The following ADAMTS2 variants were observed in gnomAD, a reference collection of about 807,000 sequenced individuals.
ADAMTS2 encodes ADAM metallopeptidase with thrombospondin type 1 motif 2.
ADAMTS2 carries 50 observed loss-of-function variants against 123.0 expected under a neutral mutation model. The observed-to-expected ratio is 0.41, with a 90% CI of 0.32 to 0.51. ADAMTS2 has a LOEUF of 0.51. Ranked by LOEUF, ADAMTS2 falls within the 20% of genes least tolerant of loss-of-function variation. The pLI is 0.35. For synonymous variants in ADAMTS2, 678 were observed against 695.4 expected, an observed-to-expected ratio of 0.98 and a Z score of 0.39; for missense variants, 1,494 against 1,705.2, an observed-to-expected ratio of 0.88 and a Z score of 2.18.
chr5:179,216,497 C>T (rs528373699), intron 3 of ADAMTS2, among the ~76,000 whole-genome samples: 2 of 143,844 alleles, frequency 1.4e-5, no homozygotes, highest in African/African-American at 5.8e-5. Context: ...TCCCTCTGAC[C>T]GTATTTCCGC....
At position 179,155,064 on chromosome 5, in the gene ADAMTS2, G is replaced by T; in HGVS notation, c.1133-145C>A. On this transcript the variant is annotated intron_variant, in intron 6 of 21. Transcript: ENST00000251582. The surrounding 1 kb of genome is among the most constrained non-coding windows in gnomAD (Gnocchi z 5.1). The stretch of plus-strand genomic sequence containing the variant: ...AACTGCCCCCGGCTGGCACAGCTCA[G>T]AAGACACCACAGCAGACAGCTCATA... 1.3e-6 allele frequency: 1 copy of T among 742,842 alleles called. No individual in the cohort carries two copies. The highest frequency in any genetic ancestry group is 2.0e-5 in the Admixed American group (1 of 49,384). The allele number at this position is 742,842 out of a possible 1,614,324, so 46.0% of individuals were successfully genotyped here.
At position 179,185,014 on chromosome 5, in the gene ADAMTS2, C is replaced by T. The variant is rs964675282; in HGVS notation, c.892-3859G>A. On this transcript the variant is annotated intron_variant, in intron 4 of 21. Coordinates refer to ENST00000251582, the MANE Select transcript of ADAMTS2 (RefSeq NM_014244.5). This position sits in a 1 kb window ranked among gnomAD's most constrained non-coding sequence, Gnocchi z 5.9. ...GGGTAGCTCAGCAAAGCAGGGATGG[C>T]GCTCCTGGCAGAGGAGGCAGCCCAT... Among the ~76,000 whole-genome samples, 5 of 152,130 alleles carry T rather than the reference C, an allele frequency of 3.3e-5. No homozygotes were observed. Among genetic ancestry groups the T allele is most frequent in the African/African-American group, 1.2e-4 (5 of 41,412 alleles).
Position 179,260,493 on chromosome 5 carries a change from C to T in ADAMTS2, c.688+12418G>A, listed in dbSNP as rs898889527. Among the ~76,000 whole-genome samples, 1 of 152,138 alleles carries T rather than the reference C, an allele frequency of 6.6e-6. No individual in the cohort carries two copies. Among genetic ancestry groups the T allele is most frequent in the Admixed American group, 6.5e-5 (1 of 15,276 alleles). The stretch of plus-strand genomic sequence containing the variant: ...GTTCCAGGCCTTGGTGCTTGGAAGG[C>T]CCTCTGTCCAACAAACAGATGGGGT... On this transcript the variant is annotated intron_variant, in intron 3 of 21. Coordinates refer to ENST00000251582, the MANE Select transcript of ADAMTS2 (RefSeq NM_014244.5). This position sits in a 1 kb window ranked among gnomAD's most constrained non-coding sequence, Gnocchi z 4.2.
intron 2 of ADAMTS2, among the ~76,000 whole-genome samples, chr5:179,291,110 G>A (rs1756174763): frequency 6.6e-6 from 1 of 152,216 alleles, no homozygotes; most frequent in African/African-American, 2.4e-5. Flanking sequence ...TCCTTCACAG[G>A]TGTGAATGGG....
In ADAMTS2 at chr5:179,272,022, G is replaced by A. The variant is rs1427562624; in HGVS notation, c.688+889C>T. ...CCAGGGGTCCTGACCAGAGGCTGAGGGCTGAGCTCGCAGCTTCCCACTCTC... is the reference window on the plus strand; with the variant it reads ...CCAGGGGTCCTGACCAGAGGCTGAGAGCTGAGCTCGCAGCTTCCCACTCTC... On this transcript the variant is annotated intron_variant, in intron 3 of 21. Coordinates refer to ENST00000251582, the MANE Select transcript of ADAMTS2 (RefSeq NM_014244.5). This position sits in a 1 kb window ranked among gnomAD's most constrained non-coding sequence, Gnocchi z 5.8. 6.6e-6 allele frequency among the ~76,000 whole-genome samples: 1 copy of A among 152,188 alleles called. No individual in the cohort carries two copies. Among genetic ancestry groups the A allele is most frequent in the Admixed American group, 6.5e-5 (1 of 15,288 alleles).
intron 3 of ADAMTS2, among the ~76,000 whole-genome samples, chr5:179,243,353 C>T (rs909975572): frequency 1.3e-5 from 2 of 152,154 alleles, no homozygotes; most frequent in Non-Finnish European, 2.9e-5. Flanking sequence ...GGGTGTGATA[C>T]CAAATGAAGC....
chr5:179,183,001 A>G (rs1764082197), intron 4 of ADAMTS2, among the ~76,000 whole-genome samples: 1 of 152,184 alleles, frequency 6.6e-6, no homozygotes, highest in Non-Finnish European at 1.5e-5. Context: ...TCCCCCCATC[A>G]CAAAGCTGTT....
At chr5:179,240,318 T>G (rs1254307721) in intron 3 of ADAMTS2, among the ~76,000 whole-genome samples, 5 of 152,142 alleles carry the variant, frequency 3.3e-5, no homozygotes, top group Non-Finnish European at 5.9e-5. Flanking sequence ...AAGTTTCATT[T>G]TACCAGGACT....
chr5:179,157,303 G>C (rs1465891839), intron 6 of ADAMTS2, among the ~76,000 whole-genome samples: 1 of 152,020 alleles, frequency 6.6e-6, no homozygotes, highest in Non-Finnish European at 1.5e-5. Flanking sequence ...AGCTGTGTCG[G>C]TTTCCCCTCC....
At chr5:179,169,553 G>A (rs1466888681) in intron 5 of ADAMTS2, among the ~76,000 whole-genome samples, 2 of 152,172 alleles carry the variant, frequency 1.3e-5, no homozygotes, top group African/African-American at 2.4e-5. Context: ...CAGGTTGGGG[G>A]TTGGGACCCA....
intron 2 of ADAMTS2, among the ~76,000 whole-genome samples, chr5:179,292,866 T>C (rs1756227233): frequency 6.6e-6 from 1 of 152,194 alleles, no homozygotes; most frequent in South Asian, 2.1e-4. Flanking sequence ...TTTCCAGGCC[T>C]CCAGCCCCAG....
At chr5:179,295,933 G>A (rs908726273) in intron 2 of ADAMTS2, among the ~76,000 whole-genome samples, 7 of 152,234 alleles carry the variant, frequency 4.6e-5, no homozygotes, top group Non-Finnish European at 1.0e-4. Context: ...AGGCTGCCAT[G>A]AGGAGGGAAG....
chr5:179,264,542 CCT>C (rs1308305181), intron 3 of ADAMTS2, among the ~76,000 whole-genome samples: 3 of 152,246 alleles, frequency 2.0e-5, no homozygotes, highest in Admixed American at 6.5e-5. Flanking sequence ...CAGCTTCACC[CCT>C]GAGCCGTGTA....
intron 3 of ADAMTS2, among the ~76,000 whole-genome samples, chr5:179,216,108 CAGAT>C (rs1190897682): frequency 6.6e-6 from 1 of 152,226 alleles, no homozygotes; most frequent in Non-Finnish European, 1.5e-5. Context: ...AAGCCCAACA[CAGAT>C]AGAGAAAACG....
chr5:179,296,129 C>T (rs1183350978), intron 2 of ADAMTS2, among the ~76,000 whole-genome samples: 1 of 152,126 alleles, frequency 6.6e-6, no homozygotes, highest in Non-Finnish European at 1.5e-5. Context: ...TGGGGGAGGC[C>T]TGAGCCGTGG....
At position 179,134,805 on chromosome 5, in the gene ADAMTS2, TC is replaced by T. The variant is rs1561771706; in HGVS notation, c.2085+1103del. Among the ~76,000 whole-genome samples, 277 of 52,614 alleles carry T rather than the reference TC, an allele frequency of 5.3e-3. 2 individuals carry two copies. The highest frequency in any genetic ancestry group is 0.021 in the African/African-American group (262 of 12,494). 34.5% of individuals were successfully genotyped at this position (52,614 alleles called of 152,430 possible). The stretch of plus-strand genomic sequence containing the variant: ...CCAGCTCCCGGCTCCAGCCCCCAGC[TC>T]CCGGCTCCAGCCCCCAGCTCCCGGC... On this transcript the variant is annotated intron_variant, in intron 13 of 21. Coordinates refer to ENST00000251582, the MANE Select transcript of ADAMTS2 (RefSeq NM_014244.5).
intron 5 of ADAMTS2, among the ~76,000 whole-genome samples, chr5:179,169,444 C>T (rs188413934): frequency 1.3e-5 from 2 of 152,338 alleles, no homozygotes; most frequent in East Asian, 3.9e-4. Context: ...AGGGCAGTGT[C>T]CAGCCTTAGT....
At chr5:179,150,737 G>A (rs1006357633) in intron 10 of ADAMTS2, among the ~76,000 whole-genome samples, 3 of 152,180 alleles carry the variant, frequency 2.0e-5, no homozygotes, top group Non-Finnish European at 2.9e-5. Context: ...GAGACAGAAA[G>A]CAGGTTGGTG....
At chr5:179,140,983 T>A (rs10056784) in intron 10 of ADAMTS2, among the ~76,000 whole-genome samples, 11,203 of 151,526 alleles carry the variant, frequency 0.074, 719 homozygotes, top group African/African-American at 0.17. Flanking sequence ...CATTTTTTTT[T>A]TTTTTATTTT....
Sources: allele counts gnomAD v4.1 joint callset (sites outside exome capture counted in the v4.1 genomes callset), GRCh38; gene constraint gnomAD v4.1.1; non-coding constraint Gnocchi (gnomAD v3.1); transcripts MANE v1.5; gene names NCBI Gene and HGNC (gene_info 2026-07-23, HGNC 2026-07-21).